The following LRRC1 variants were observed in gnomAD, a reference collection of about 807,000 sequenced individuals.
LRRC1 encodes the protein leucine-rich repeat-containing protein 1.
In LRRC1, 28 loss-of-function variants were observed where a neutral mutation model predicts 69.9. The observed-to-expected ratio is 0.40, with a 90% CI of 0.30 to 0.55. The LOEUF (loss-of-function observed/expected upper bound fraction) is 0.55, where lower values mean the gene tolerates loss of function less well. Ranked by LOEUF, LRRC1 falls within the 20% of genes least tolerant of loss-of-function variation. The pLI is 0.47. For missense variants in LRRC1, 498 were observed against 609.0 expected, an observed-to-expected ratio of 0.82 and a Z score of 1.92; for synonymous variants, 236 against 240.2, an observed-to-expected ratio of 0.98 and a Z score of 0.16.
At position 53,864,233 on chromosome 6, in the gene LRRC1, C is replaced by T. The variant is rs140490937; in HGVS notation, c.278-14760C>T. On this transcript the variant is annotated intron_variant, in intron 2 of 13. Coordinates refer to ENST00000370888, the MANE Select transcript of LRRC1 (RefSeq NM_018214.5). ...TCTTCCCCTCTGCCTCCTGGGTCTC[C>T]ACAGAAGCCTGTGTCTTGTTCCCCT... Among the ~76,000 whole-genome samples, 1,210 of 152,208 alleles carry T rather than the reference C, an allele frequency of 7.9e-3. 17 individuals carry two copies. Among genetic ancestry groups the T allele is most frequent in the South Asian group, 0.011 (54 of 4,824 alleles).
chr6:53,916,176 G>C (rs1484125731), intron 11 of LRRC1, among the ~76,000 whole-genome samples: 1 of 152,154 alleles, frequency 6.6e-6, no homozygotes, highest in Non-Finnish European at 1.5e-5. Flanking sequence ...TTAATACTTA[G>C]ACTCTCTCCC....
At chr6:53,897,236 A>C (rs371712194) in intron 6 of LRRC1, 49 bp from the exon 7 acceptor site, 277 of 1,240,608 alleles carry the variant, frequency 2.2e-4, no homozygotes, top group Non-Finnish European at 3.1e-4. Context: ...TTCAGGGAAG[A>C]CTGAAAATTG....
At chr6:53,876,302 C>T (rs956802914) in intron 2 of LRRC1, among the ~76,000 whole-genome samples, 5 of 152,130 alleles carry the variant, frequency 3.3e-5, no homozygotes, top group Non-Finnish European at 7.4e-5. Context: ...TCAGTTACCT[C>T]CTACCGGGTC....
chr6:53,830,893 T>C (rs560582828), intron 1 of LRRC1, among the ~76,000 whole-genome samples: 47 of 149,854 alleles, frequency 3.1e-4, no homozygotes, highest in African/African-American at 9.5e-4. Context: ...AAAGTAATTA[T>C]GGTTTTTGCC....
chr6:53,899,658 G>A, intron 7 of LRRC1, 89 bp from the exon 8 acceptor site: 1 of 1,323,846 alleles, frequency 7.6e-7, no homozygotes, highest in Non-Finnish European at 1.0e-6. Flanking sequence ...GACCGCCCTG[G>A]GATTTAATTG....
At chr6:53,814,173 A>G (rs1459641324) in intron 1 of LRRC1, among the ~76,000 whole-genome samples, 1 of 152,222 alleles carries the variant, frequency 6.6e-6, no homozygotes, top group African/African-American at 2.4e-5. Flanking sequence ...AGTAATGTGT[A>G]GGTCAAATAT....
chr6:53,812,014 C>A (rs1236646235), intron 1 of LRRC1, among the ~76,000 whole-genome samples: 2 of 152,228 alleles, frequency 1.3e-5, no homozygotes, highest in Admixed American at 1.3e-4. Context: ...ATAGCAAAGT[C>A]TTCCTGGAGG....
At chr6:53,831,595 A>G (rs1765429751) in intron 1 of LRRC1, among the ~76,000 whole-genome samples, 1 of 152,208 alleles carries the variant, frequency 6.6e-6, no homozygotes, top group Non-Finnish European at 1.5e-5. Context: ...ATCTCCTGAT[A>G]ATGGTTTAAA....
intron 2 of LRRC1, among the ~76,000 whole-genome samples, chr6:53,861,228 A>G (rs910614549): frequency 2.0e-5 from 3 of 151,876 alleles, no homozygotes; most frequent in African/African-American, 7.3e-5. Context: ...GTGGTTCTCA[A>G]CTGCATGTTA....
intron 2 of LRRC1, among the ~76,000 whole-genome samples, chr6:53,845,724 G>T (rs1581869409): frequency 1.3e-5 from 2 of 152,220 alleles, no homozygotes; most frequent in African/African-American, 4.8e-5. Flanking sequence ...AATTATCTGA[G>T]ACTTTTGTTA....
intron 2 of LRRC1, among the ~76,000 whole-genome samples, chr6:53,852,424 C>G (rs1243825015): frequency 2.0e-5 from 3 of 152,170 alleles, no homozygotes; most frequent in African/African-American, 7.2e-5. Context: ...GAGGTTTCGG[C>G]TCAAGACAAC....
intron 13 of LRRC1, among the ~76,000 whole-genome samples, chr6:53,921,364 C>CT (rs373096570): frequency 2.0e-5 from 3 of 151,642 alleles, no homozygotes; most frequent in South Asian, 2.1e-4. Context: ...CATGGAGAAA[C>CT]TTTTTTTTTA....
At chr6:53,795,495 C>G in intron 1 of LRRC1, 80 bp downstream of exon 1, 1 of 1,408,254 alleles carries the variant, frequency 7.1e-7, no homozygotes, top group Non-Finnish European at 9.4e-7. Context: ...GTCCCCTCTT[C>G]CATCTCCGGG....
rs571397314 is a variant in LRRC1 at position 53,921,709 on chromosome 6, G to A, written c.1417-926G>A. ...AGAGTTTTCTTAAGCAGAGCTTAGA[G>A]GGAGTACTTGCAGCCCCCAAAACAA... On this transcript the variant is annotated intron_variant, in intron 13 of 13. Coordinates refer to ENST00000370888, the MANE Select transcript of LRRC1 (RefSeq NM_018214.5). 1.9e-3 allele frequency among the ~76,000 whole-genome samples: 282 copies of A among 152,170 alleles called. 1 individual carries two copies. Among genetic ancestry groups the A allele is most frequent in the Non-Finnish European group, 2.6e-3 (179 of 68,036 alleles).
intron 2 of LRRC1, among the ~76,000 whole-genome samples, chr6:53,862,512 T>C (rs1581882564): frequency 1.3e-5 from 2 of 152,302 alleles, no homozygotes; most frequent in East Asian, 3.9e-4. Context: ...GCCAACTCCG[T>C]GTGGGAGGAA....
chr6:53,896,664 G>A, intron 5 of LRRC1, 110 bp downstream of exon 5: 2 of 1,137,482 alleles, frequency 1.8e-6, no homozygotes, highest in Non-Finnish European at 2.6e-6. Flanking sequence ...TGGGAAGTTT[G>A]GGGGATGCCA....
chr6:53,891,438 A>G lies in LRRC1; in HGVS notation c.447-5060A>G, dbSNP rs117330742. On this transcript the variant is annotated intron_variant, in intron 4 of 13. Transcript: ENST00000370888. ...GTTGAAAAAATACTGGTATGTACAA[A>G]TAAAAAATGAGACAAAAAAAATCTG... Among the ~76,000 whole-genome samples, 626 of 152,154 alleles carry G rather than the reference A, an allele frequency of 4.1e-3. 6 individuals are homozygous for G. The highest frequency in any genetic ancestry group is 0.041 in the East Asian group (210 of 5,174).
chr6:53,849,026 G>A (rs888249856), intron 2 of LRRC1, among the ~76,000 whole-genome samples: 13 of 150,224 alleles, frequency 8.7e-5, no homozygotes, highest in African/African-American at 2.5e-4. Flanking sequence ...CAAAGTGCTG[G>A]GATTACAGGC....
At chr6:53,910,003 C>T (rs925822614) in intron 10 of LRRC1, among the ~76,000 whole-genome samples, 2 of 152,102 alleles carry the variant, frequency 1.3e-5, no homozygotes, top group Admixed American at 6.5e-5. Flanking sequence ...TGATCTCCTC[C>T]TTGGGTGAGC....
Sources: gnomAD v4.1 joint callset for allele counts (sites outside exome capture counted in the v4.1 genomes callset) on GRCh38, gnomAD v4.1.1 for gene constraint, MANE v1.5 for transcripts, NCBI Gene and HGNC (gene_info 2026-07-23, HGNC 2026-07-21) for gene names.